Variants in RPUSD4 observed in about 807,000 individuals in gnomAD.
RPUSD4 encodes the protein pseudouridylate synthase RPUSD4, mitochondrial.
A neutral mutation model predicts 35.4 loss-of-function variants in RPUSD4; 37 were observed. The ratio of observed to expected loss-of-function variants is 1.04; its 90% CI spans 0.80 to 1.37. RPUSD4 has a LOEUF of 1.37. Among genes scored for constraint, RPUSD4 ranks in the 40% most tolerant of loss-of-function variants. The pLI is 0.00. For synonymous variants in RPUSD4, 210 were observed against 192.7 expected (o/e 1.09, Z -0.74); for missense variants, 507 against 484.9 (o/e 1.05, Z -0.43).
At chr11:126,206,322 CG>C (rs2135099389) in intron 3 of RPUSD4, 1 of 152,152 alleles carries the variant, frequency 6.6e-6, no homozygotes, top group Admixed American at 6.5e-5. Context: ...GAGGCCAAGG[CG>C]GGTGGATCAC....
Position 126,203,264 on chromosome 11 carries a change from A to C in RPUSD4, c.*154T>G. The stretch of plus-strand genomic sequence containing the variant: ...TGTAGCAGCTGAGTTGCTTTACCTT[A>C]TCCCACCTGGCTCTTACGCAGTCTG... On this transcript the variant is annotated 3_prime_UTR_variant, in exon 7 of 7. Coordinates refer to ENST00000298317, the MANE Select transcript of RPUSD4 (RefSeq NM_032795.3). The C allele has an allele frequency of 9.0e-7, 1 of 1,111,142 alleles. No homozygotes were observed. Among genetic ancestry groups the C allele is most frequent in the East Asian group, 2.4e-5 (1 of 41,960 alleles). 68.8% of individuals were successfully genotyped at this position (1,111,142 alleles called of 1,614,324 possible).
chr11:126,205,560 C>T lies in RPUSD4; in HGVS notation c.704G>A (p.Arg235Gln), dbSNP rs35176670. 4.7e-4 allele frequency: 753 copies of T among 1,614,256 alleles called. 2 individuals are homozygous for T. The African/African-American group carries it at 8.8e-3, about 19-fold the overall frequency. Residue 235 changes from arginine to glutamine, a missense_variant, in exon 5 of 7, where the codon CGG (arginine) becomes CAG (glutamine). Arg to Gln is a conservative substitution (Grantham distance 43, BLOSUM62 1). Transcript: ENST00000298317. Reference protein sequence around the residue: ...RMDDGKMVKVRRSRNAQVAVT... With the variant: ...RMDDGKMVKVQRSRNAQVAVT... ...AGCAACTTGCGCATTCCGGCTGCGC[C>T]GCACTTTCACCATTTTCCCATCGTC...
intron 2 of RPUSD4, 131 bp from the exon 3 acceptor site, chr11:126,209,853 G>C: frequency 2.7e-6 from 2 of 731,202 alleles, no homozygotes; most frequent in Non-Finnish European, 2.2e-6. Flanking sequence ...GTGTGGTCCA[G>C]AGACTAGCAA....
At position 126,211,643 on chromosome 11, in the gene RPUSD4, C is replaced by G. The variant is rs778018323; in HGVS notation, c.-5G>C. 2.5e-6 allele frequency: 4 copies of G among 1,611,092 alleles called. No homozygotes were observed. The highest frequency in any genetic ancestry group is 1.7e-6 in the Non-Finnish European group (2 of 1,179,194). ...GCTCCACCTGGGCGCCGCCATCTTA[C>G]AAGGAAGGGCGGGGCGAGCCAAGAC... On this transcript the variant is annotated 5_prime_UTR_variant, in exon 1 of 7. Transcript: ENST00000298317.
chr11:126,205,814 C>A (rs1205181729), intron 3 of RPUSD4, 33 bp from the exon 4 acceptor site: 3 of 1,521,688 alleles, frequency 2.0e-6, no homozygotes, highest in East Asian at 4.7e-5. Flanking sequence ...CTTTAGCCAA[C>A]CAAGCCAGAG....
At chr11:126,205,384 T>C in intron 5 of RPUSD4, 84 bp downstream of exon 5, 1 of 1,542,490 alleles carries the variant, frequency 6.5e-7, no homozygotes, top group South Asian at 1.2e-5. Context: ...TCAGCCACAC[T>C]ACTAGCTGCT....
chr11:126,210,767 T>A, intron 2 of RPUSD4, 123 bp downstream of exon 2: 1 of 963,274 alleles, frequency 1.0e-6, no homozygotes, highest in Non-Finnish European at 1.5e-6. Flanking sequence ...GGACGGTAGT[T>A]TACAAAAGTT....
rs768247835 is a variant in RPUSD4 at position 126,210,975 on chromosome 11, C to A, written c.270G>T (p.Val90=). ...TTCCTCGGGTCAGTGCCTTAGCAAGCACGTTGGGGTGGACTCGCTGCAGCT... is the reference window on the plus strand; with the variant it reads ...TTCCTCGGGTCAGTGCCTTAGCAAGAACGTTGGGGTGGACTCGCTGCAGCT... ...TRQLQRVHPN[V]LAKALTRGIL... Residue 90 remains valine (V), a synonymous_variant, in exon 2 of 7, where the codon GTG becomes GTT. Transcript: ENST00000298317. 9 of 1,614,106 alleles carry A rather than the reference C, an allele frequency of 5.6e-6. No homozygotes were observed. In the Admixed American group the frequency reaches 1.3e-4, roughly 24 times the overall value.
Position 126,203,240 on chromosome 11 carries a change from G to A in RPUSD4, c.*178C>T. The A allele has an allele frequency of 1.2e-6, 1 of 815,596 alleles. No individual in the cohort carries two copies. Among genetic ancestry groups the A allele is most frequent in the Non-Finnish European group, 1.9e-6 (1 of 524,402 alleles). 50.5% of individuals were successfully genotyped at this position (815,596 alleles called of 1,614,324 possible). On this transcript the variant is annotated 3_prime_UTR_variant, in exon 7 of 7. Coordinates refer to ENST00000298317, the MANE Select transcript of RPUSD4 (RefSeq NM_032795.3). ...GACTTTGTTCTCCATTAAAAGCCCT[G>A]TAGCAGCTGAGTTGCTTTACCTTAT... is the stretch of plus-strand genomic sequence containing the variant.
chr11:126,209,034 C>T (rs946723898), intron 3 of RPUSD4: 3 of 152,202 alleles, frequency 2.0e-5, no homozygotes, highest in African/African-American at 7.2e-5. Flanking sequence ...CTCTGTCACC[C>T]AGGCTGGAGT....
chr11:126,205,784 G>A lies in RPUSD4; in HGVS notation c.558-3C>T, dbSNP rs762295506. 8 of 1,592,994 alleles carry A rather than the reference G, an allele frequency of 5.0e-6. No homozygotes were observed. Among genetic ancestry groups the A allele is most frequent in the Non-Finnish European group, 6.9e-6 (8 of 1,167,032 alleles). ...TGGGGACATGCACAGTGATGGCCCT[G>A]GGGGTGACACAGATCACTGCTTTAG... On this transcript the variant is annotated splice_region_variant and splice_polypyrimidine_tract_variant and intron_variant, in intron 3 of 6. Transcript: ENST00000298317.
intron 3 of RPUSD4, chr11:126,208,469 C>T (rs1170307192): frequency 4.6e-5 from 7 of 152,224 alleles, no homozygotes; most frequent in African/African-American, 1.7e-4. Flanking sequence ...ACACCAGTCA[C>T]AGCGATTGAC....
chr11:126,204,244 C>T lies in RPUSD4; in HGVS notation c.881G>A (p.Arg294Lys), dbSNP rs1447777520. ...LGDHKYSDWN[R>K]LAPQKLSVGT... is the part of the protein sequence containing the mutation. ...AATTAGTATTACCTGGGGGGCCAACCTATTCCAGTCTGAGTACTTGTGATC... is the reference window on the plus strand; with the variant it reads ...AATTAGTATTACCTGGGGGGCCAACTTATTCCAGTCTGAGTACTTGTGATC... Residue 294 changes from arginine (R) to lysine (K), a missense_variant, in exon 6 of 7, where the codon AGG (arginine) becomes AAG (lysine). Transcript: ENST00000298317. 10 of 1,613,180 alleles carry T rather than the reference C, an allele frequency of 6.2e-6. No homozygotes were observed. Among genetic ancestry groups the T allele is most frequent in the Non-Finnish European group, 8.5e-6 (10 of 1,179,490 alleles).
At chr11:126,209,212 G>C (rs113345675) in intron 3 of RPUSD4, 14 of 255,090 alleles carry the variant, frequency 5.5e-5, no homozygotes, top group Middle Eastern at 1.4e-3. Context: ...GCTGTTCTCC[G>C]ACTCTTGGCC....
Position 126,211,334 on chromosome 11 carries a change from T to A in RPUSD4, c.189+116A>T, listed in dbSNP as rs1949863704. ...TCCGCCTTCTCCCCATTCTCCCACCTTGCGTCCGGGCTATTGACTCACACG... is the reference window on the plus strand; with the variant it reads ...TCCGCCTTCTCCCCATTCTCCCACCATGCGTCCGGGCTATTGACTCACACG... On this transcript the variant is annotated intron_variant, in intron 1 of 6. Transcript: ENST00000298317. 5.8e-6 allele frequency: 7 copies of A among 1,200,096 alleles called. No individual in the cohort carries two copies. The East Asian group carries it at 1.4e-4, about 24-fold the overall frequency. 74.3% of individuals were successfully genotyped at this position (1,200,096 alleles called of 1,614,324 possible).
At chr11:126,211,116 C>T in intron 1 of RPUSD4, 61 bp from the exon 2 acceptor site, 2 of 1,560,274 alleles carry the variant, frequency 1.3e-6, no homozygotes, top group South Asian at 1.1e-5. Context: ...GAAGACCTTC[C>T]ATAAAGGTCT....
chr11:126,204,322 T>C lies in RPUSD4; in HGVS notation c.803A>G (p.Lys268Arg). 6.2e-7 allele frequency: 1 copy of C among 1,611,080 alleles called. No individual in the cohort carries two copies. The highest frequency in any genetic ancestry group is 2.2e-5 in the East Asian group (1 of 44,830). The change falls in exon 6 of 7, where the codon AAA becomes AGA. Residue 268 changes from lysine to arginine, a missense_variant. Coordinates refer to ENST00000298317, the MANE Select transcript of RPUSD4 (RefSeq NM_032795.3). Reference protein sequence around the residue: ...LVELQPITGIKHQLRVHLSFG... With the variant: ...LVELQPITGIRHQLRVHLSFG... ...AGACAAGTGAACTCGAAGCTGATGT[T>C]TTATTCCTTAAAAGAGAGAGAGAGA... is the stretch of plus-strand genomic sequence containing the variant.
chr11:126,209,631 G>A lies in RPUSD4; in HGVS notation c.447C>T (p.Cys149=), dbSNP rs762123699. ...HGHKAEPLHL[C]HRLDKETTGV... ...CTGTGGTTTCCTTGTCCAGCCGGTG[G>A]CACAGATGCAAGGGCTCTGCCTTGT... Residue 149 remains cysteine (C), a synonymous_variant, in exon 3 of 7, where the codon TGC becomes TGT. Coordinates refer to ENST00000298317, the MANE Select transcript of RPUSD4 (RefSeq NM_032795.3). The A allele has an allele frequency of 1.9e-6, 3 of 1,614,174 alleles. No individual in the cohort carries two copies. The highest frequency in any genetic ancestry group is 1.3e-5 in the African/African-American group (1 of 75,050).
At chr11:126,206,982 G>A (rs1227825376) in intron 3 of RPUSD4, among the ~76,000 whole-genome samples, 1 of 152,010 alleles carries the variant, frequency 6.6e-6, no homozygotes, top group African/African-American at 2.4e-5. Flanking sequence ...CTGATACCGA[G>A]AATGGTTACC....
Sources: gnomAD v4.1 joint callset for allele counts (sites outside exome capture counted in the v4.1 genomes callset) on GRCh38, gnomAD v4.1.1 for gene constraint, MANE v1.5 for transcripts, NCBI Gene and HGNC (gene_info 2026-07-23, HGNC 2026-07-21) for gene names.